The following ATP11A variants were observed in gnomAD, a reference collection of about 807,000 sequenced individuals.
The protein encoded by ATP11A is phospholipid-transporting ATPase IH.
ATP11A carries 81 observed loss-of-function variants against 154.4 expected under a neutral mutation model. The observed-to-expected ratio is 0.52, with a 90% CI of 0.44 to 0.63. The LOEUF (loss-of-function observed/expected upper bound fraction) is 0.63. Ranked by LOEUF, ATP11A falls within the 30% of genes least tolerant of loss-of-function variation. The pLI, the probability that ATP11A is intolerant of heterozygous loss-of-function variation, is 0.00. For synonymous variants in ATP11A, 623 were observed against 585.9 expected (o/e 1.06, Z -0.91); for missense variants, 1,316 against 1,474.3 (o/e 0.89, Z 1.76).
intron 1 of ATP11A, among the ~76,000 whole-genome samples, chr13:112,691,192 C>T (rs1026762607): frequency 1.3e-5 from 2 of 151,854 alleles, no homozygotes; most frequent in Non-Finnish European, 2.9e-5. Context: ...TGGCCGGGCG[C>T]GGTGGCTCAC....
chr13:112,850,341 C>T (rs575199838), intron 17 of ATP11A, among the ~76,000 whole-genome samples: 2 of 152,290 alleles, frequency 1.3e-5, no homozygotes, highest in South Asian at 2.1e-4. Flanking sequence ...GTGACGGTCG[C>T]GCTCAGCAGC....
intron 25 of ATP11A, 109 bp downstream of exon 25, chr13:112,862,684 C>T (rs1036632412): frequency 1.2e-5 from 17 of 1,446,114 alleles, no homozygotes; most frequent in Non-Finnish European, 1.3e-5. Context: ...TGCAGCTTCC[C>T]AGCGGGGTCC....
chr13:112,753,075 T>C lies in ATP11A; in HGVS notation c.40-32060T>C, dbSNP rs1401715478. Among the ~76,000 whole-genome samples the C allele has an allele frequency of 6.6e-6, 1 of 152,194 alleles. No individual in the cohort carries two copies. The highest frequency in any genetic ancestry group is 1.5e-5 in the Non-Finnish European group (1 of 68,024). On this transcript the variant is annotated intron_variant, in intron 1 of 29. Transcript: ENST00000375645. This position sits in a 1 kb window ranked among gnomAD's most constrained non-coding sequence, Gnocchi z 4.1. ...TCAGTGACATCAGGCCCAGGGTAAATGAGTCAGTGTTCCCAATGACATATA... is the reference window on the plus strand; with the variant it reads ...TCAGTGACATCAGGCCCAGGGTAAACGAGTCAGTGTTCCCAATGACATATA...
At chr13:112,724,700 G>C (rs1170416819) in intron 1 of ATP11A, among the ~76,000 whole-genome samples, 1 of 151,926 alleles carries the variant, frequency 6.6e-6, no homozygotes, top group Middle Eastern at 3.2e-3. Context: ...CCCCCCCCCA[G>C]GAAGCTGTTT....
Position 112,882,100 on chromosome 13 carries a change from C to G in ATP11A, c.*234C>G, listed in dbSNP as rs1350565928. The G allele has an allele frequency of 1.5e-6, 2 of 1,351,956 alleles. No homozygotes were observed. Among genetic ancestry groups the G allele is most frequent in the Non-Finnish European group, 2.0e-6 (2 of 1,012,344 alleles). 83.7% of individuals were successfully genotyped at this position (1,351,956 alleles called of 1,614,324 possible). On this transcript the variant is annotated 3_prime_UTR_variant, in exon 30 of 30. Transcript: ENST00000375645. This position sits in a 1 kb window ranked among gnomAD's most constrained non-coding sequence, Gnocchi z 5.1. ...TAAGCCTGTGGAGACTGTGCACGTG[C>G]CTCTTCCTGGCCCCCAGCAGGCAAG...
intron 1 of ATP11A, among the ~76,000 whole-genome samples, chr13:112,730,924 G>A (rs34258303): frequency 1.3e-3 from 198 of 152,218 alleles, no homozygotes; most frequent in Admixed American, 3.3e-3. Context: ...TGTTCTTTCC[G>A]TAGACAGTCT....
In ATP11A at chr13:112,733,253, A is replaced by T. The variant is rs1890678996; in HGVS notation, c.39+42798A>T. ...GGGGGCACACGGCGCGGGGCACAGC[A>T]TCTCCACTTTACTTAAAGATGAGCA... On this transcript the variant is annotated intron_variant, in intron 1 of 29. Coordinates refer to ENST00000375645, the MANE Select transcript of ATP11A (RefSeq NM_015205.3). Among the ~76,000 whole-genome samples the T allele has an allele frequency of 2.6e-5, 4 of 152,332 alleles. No individual in the cohort carries two copies. In the South Asian group the frequency reaches 8.3e-4, roughly 32 times the overall value.
chr13:112,837,639 T>C (rs1296153653), intron 16 of ATP11A, among the ~76,000 whole-genome samples: 2 of 151,718 alleles, frequency 1.3e-5, no homozygotes, highest in Non-Finnish European at 2.9e-5. Flanking sequence ...TTTAGCTCTT[T>C]GGAAAGATGC....
At chr13:112,853,300 A>G (rs2079828321) in intron 18 of ATP11A, among the ~76,000 whole-genome samples, 1 of 152,120 alleles carries the variant, frequency 6.6e-6, no homozygotes, top group South Asian at 2.1e-4. Context: ...ACACACATAT[A>G]TATATACACA....
At chr13:112,856,301 C>G (rs1200209521) in intron 20 of ATP11A, 1 of 470,464 alleles carries the variant, frequency 2.1e-6, no homozygotes, top group African/African-American at 2.0e-5. Context: ...AGATGTATGA[C>G]CCTTCCAGAT....
In ATP11A at chr13:112,854,542, G is replaced by A. The variant is rs201993410; in HGVS notation, c.2243+12G>A. On this transcript the variant is annotated intron_variant, in intron 19 of 29. Coordinates refer to ENST00000375645, the MANE Select transcript of ATP11A (RefSeq NM_015205.3). ...GACAACCTGTCCGGGTAGGCAGCGC[G>A]TCCCCGCCCCCACCCCCACACTCCC... is the stretch of plus-strand genomic sequence containing the variant. 5.8e-5 allele frequency: 92 copies of A among 1,598,906 alleles called. 2 individuals carry two copies. In the East Asian group the frequency reaches 1.0e-3, roughly 18 times the overall value.
At chr13:112,774,358 T>A (rs1261218345) in intron 1 of ATP11A, among the ~76,000 whole-genome samples, 1 of 152,124 alleles carries the variant, frequency 6.6e-6, no homozygotes, top group Non-Finnish European at 1.5e-5. Context: ...AGAGGGTGGT[T>A]GAGGACCATG....
In ATP11A at chr13:112,690,087, GCT is replaced by G. The variant is rs1884959103; in HGVS notation, c.-328_-327del. Among the ~76,000 whole-genome samples, 1 of 148,578 alleles carries G rather than the reference GCT, an allele frequency of 6.7e-6. No homozygotes were observed. The highest frequency in any genetic ancestry group is 1.5e-5 in the Non-Finnish European group (1 of 66,552). Reference sequence around the variant, plus strand: ...GAGACTCGGGAGGAGCAGAGCGCAGGCTCCGCCGCGGCCGGGGTGCTCCAGCC... The same window carrying G: ...GAGACTCGGGAGGAGCAGAGCGCAGGCCGCCGCGGCCGGGGTGCTCCAGCC... On this transcript the variant is annotated 5_prime_UTR_variant, in exon 1 of 30. Transcript: ENST00000375645. This position sits in a 1 kb window ranked among gnomAD's most constrained non-coding sequence, Gnocchi z 5.6.
At chr13:112,702,974 A>G (rs1470225158) in intron 1 of ATP11A, among the ~76,000 whole-genome samples, 1 of 152,218 alleles carries the variant, frequency 6.6e-6, no homozygotes, top group African/African-American at 2.4e-5. Context: ...AAACTGATAC[A>G]TTGTTTACGA....
chr13:112,756,298 A>G (rs1416021161), intron 1 of ATP11A, among the ~76,000 whole-genome samples: 1 of 152,212 alleles, frequency 6.6e-6, no homozygotes, highest in Non-Finnish European at 1.5e-5. Context: ...ACTAAGGGTC[A>G]TGTCCATCGT....
intron 2 of ATP11A, among the ~76,000 whole-genome samples, chr13:112,799,866 C>G (rs1031748815): frequency 2.0e-5 from 3 of 152,208 alleles, no homozygotes; most frequent in Non-Finnish European, 4.4e-5. Context: ...TAGAATTAAA[C>G]TAGAAATAAA....
chr13:112,836,096 G>A, intron 15 of ATP11A, 82 bp from the exon 16 acceptor site: 1 of 1,022,372 alleles, frequency 9.8e-7, no homozygotes, highest in Non-Finnish European at 1.5e-6. Flanking sequence ...CAGCCATTCT[G>A]CTGTGGAGAG....
intron 12 of ATP11A, among the ~76,000 whole-genome samples, chr13:112,831,045 C>G (rs1311281482): frequency 3.3e-5 from 5 of 152,124 alleles, no homozygotes; most frequent in Non-Finnish European, 5.9e-5. Flanking sequence ...GAGCCCTGGC[C>G]CCACCCATGT....
At chr13:112,855,361 A>G (rs1255600045) in intron 19 of ATP11A, among the ~76,000 whole-genome samples, 1 of 152,220 alleles carries the variant, frequency 6.6e-6, no homozygotes, top group African/African-American at 2.4e-5. Flanking sequence ...ACCTTTTAAT[A>G]GAGACAGGGT....
Sources: gnomAD v4.1 joint callset for allele counts (sites outside exome capture counted in the v4.1 genomes callset) on GRCh38, gnomAD v4.1.1 for gene constraint, Gnocchi (gnomAD v3.1) non-coding constraint, MANE v1.5 for transcripts, NCBI Gene and HGNC (gene_info 2026-07-23, HGNC 2026-07-21) for gene names.